The following DNAJC17 variants were observed in gnomAD, a reference collection of about 807,000 sequenced individuals.
DNAJC17 encodes DnaJ heat shock protein family (Hsp40) member C17.
DNAJC17 carries 35 observed loss-of-function variants against 48.1 expected under a neutral mutation model. The observed-to-expected ratio is 0.73, with a 90% confidence interval of 0.56 to 0.96. DNAJC17 has a LOEUF of 0.96. Ranked by LOEUF, DNAJC17 falls within the 50% of genes least tolerant of loss-of-function variation. DNAJC17 has a pLI of 0.00. For missense variants in DNAJC17, 355 were observed against 377.1 expected, an observed-to-expected ratio of 0.94 and a Z score of 0.48; for synonymous variants, 117 against 142.7, an observed-to-expected ratio of 0.82 and a Z score of 1.28.
At chr15:40,793,899 A>G (rs186119721) in intron 1 of DNAJC17, among the ~76,000 whole-genome samples, 1 of 152,234 alleles carries the variant, frequency 6.6e-6, no homozygotes, top group East Asian at 1.9e-4. Flanking sequence ...GTCATGGGGC[A>G]AGTATCCAGG....
Position 40,765,960 on chromosome 15 carries a change from C to A in DNAJC17, c.*1980G>T. The A allele has an allele frequency of 4.7e-6, 5 of 1,071,972 alleles. No homozygotes were observed. Among genetic ancestry groups the A allele is most frequent in the South Asian group, 1.5e-5 (1 of 68,740 alleles). 66.4% of individuals were successfully genotyped at this position (1,071,972 alleles called of 1,614,324 possible). ...TCCCTCAGTATCCTCTCCCTGCCAGCCCCTAGACCTGCCTCTGCTCCCTTT... is the reference window on the plus strand; with the variant it reads ...TCCCTCAGTATCCTCTCCCTGCCAGACCCTAGACCTGCCTCTGCTCCCTTT... On this transcript the variant is annotated 3_prime_UTR_variant, in exon 11 of 11. Transcript: ENST00000220496.
intron 1 of DNAJC17, among the ~76,000 whole-genome samples, chr15:40,790,533 C>G (rs151283433): frequency 6.6e-6 from 1 of 152,104 alleles, no homozygotes; most frequent in African/African-American, 2.4e-5. Context: ...GAGCCAAGAT[C>G]GTGCCACTGC....
rs1166551106 is a variant in DNAJC17 at position 40,767,255 on chromosome 15, G to A, written c.*685C>T. 6.3e-6 allele frequency: 10 copies of A among 1,592,638 alleles called. No individual in the cohort carries two copies. Among genetic ancestry groups the A allele is most frequent in the Non-Finnish European group, 6.8e-6 (8 of 1,169,904 alleles). On this transcript the variant is annotated 3_prime_UTR_variant, in exon 11 of 11. Coordinates refer to ENST00000220496, the MANE Select transcript of DNAJC17 (RefSeq NM_018163.3). Reference sequence around the variant, plus strand: ...GAATACTACGTCGATGACCCTCCCCGCATAGTCCTGGACAAGCTGGAACGC... The same window carrying A: ...GAATACTACGTCGATGACCCTCCCCACATAGTCCTGGACAAGCTGGAACGC...
Position 40,767,050 on chromosome 15 carries a change from G to A in DNAJC17, c.*890C>T, listed in dbSNP as rs1233230452. ...TTGGGAAGAATAAATGAGATAGCTC[G>A]TGAAGTACCTAGAAGGGGAGGAGGC... On this transcript the variant is annotated 3_prime_UTR_variant, in exon 11 of 11. Coordinates refer to ENST00000220496, the MANE Select transcript of DNAJC17 (RefSeq NM_018163.3). The A allele has an allele frequency of 1.4e-5, 7 of 506,606 alleles. No individual in the cohort carries two copies. The highest frequency in any genetic ancestry group is 2.4e-5 in the Non-Finnish European group (7 of 296,428). The allele number at this position is 506,606 out of a possible 1,614,324, so 31.4% of individuals were successfully genotyped here.
chr15:40,805,194 G>A (rs34143869), intron 1 of DNAJC17, among the ~76,000 whole-genome samples: 44,346 of 151,154 alleles, frequency 0.29, 7,325 homozygotes, highest in South Asian at 0.45. Flanking sequence ...TGGCCAACAC[G>A]GTGAGACCCC....
intron 1 of DNAJC17, among the ~76,000 whole-genome samples, chr15:40,789,098 A>G (rs1381317730): frequency 5.9e-5 from 9 of 152,120 alleles, no homozygotes; most frequent in Admixed American, 5.9e-4. Flanking sequence ...TGGTGGTACC[A>G]AGATAATACC....
chr15:40,775,120 G>A lies in DNAJC17; in HGVS notation c.523-12C>T, dbSNP rs1366410312. The A allele has an allele frequency of 6.2e-7, 1 of 1,613,998 alleles. No individual in the cohort carries two copies. The highest frequency in any genetic ancestry group is 1.1e-5 in the South Asian group (1 of 91,086). On this transcript the variant is annotated splice_polypyrimidine_tract_variant and intron_variant, in intron 7 of 10. Coordinates refer to ENST00000220496, the MANE Select transcript of DNAJC17 (RefSeq NM_018163.3). ...CACTTCCATTTTAGCTGAAAAGAGA[G>A]CCTCATGAAACACTGATTCTTGGCT... is the stretch of plus-strand genomic sequence containing the variant.
chr15:40,775,303 C>T, intron 7 of DNAJC17, 195 bp from the exon 8 acceptor site: 2 of 709,208 alleles, frequency 2.8e-6, no homozygotes, highest in Admixed American at 2.6e-5. Flanking sequence ...AGGGACGCTT[C>T]CCGCCCAGAA....
chr15:40,801,948 T>G (rs376781551), intron 1 of DNAJC17, among the ~76,000 whole-genome samples: 192 of 152,110 alleles, frequency 1.3e-3, no homozygotes, highest in African/African-American at 4.5e-3. Context: ...GGGCCTGGGC[T>G]GGAGCAGTAG....
At chr15:40,786,041 C>T (rs1017517608) in intron 1 of DNAJC17, among the ~76,000 whole-genome samples, 5 of 152,200 alleles carry the variant, frequency 3.3e-5, no homozygotes, top group Non-Finnish European at 7.4e-5. Flanking sequence ...ACTAGATTCC[C>T]AGCTTTGTCC....
rs112369106 is a variant in DNAJC17, at chr15:40,780,812, C to CAAATA, written c.79-820_79-816dup. Among the ~76,000 whole-genome samples, 844 of 146,164 alleles carry CAAATA rather than the reference C, an allele frequency of 5.8e-3. 1 individual carries two copies. Among genetic ancestry groups the CAAATA allele is most frequent in the Non-Finnish European group, 9.9e-3 (663 of 66,958 alleles). The stretch of plus-strand genomic sequence containing the variant: ...CTGGCGACAGAGCAAGACTCTGTCT[C>CAAATA]AAATAAAATAAAATAAAATAAAATA... On this transcript the variant is annotated intron_variant, in intron 1 of 10. Transcript: ENST00000220496.
chr15:40,784,231 G>C (rs1436393860), intron 1 of DNAJC17, among the ~76,000 whole-genome samples: 1 of 151,996 alleles, frequency 6.6e-6, no homozygotes, highest in Non-Finnish European at 1.5e-5. Context: ...AAAAAAAGAA[G>C]GAGCAGTAAG....
chr15:40,793,825 C>T (rs971451537), intron 1 of DNAJC17, among the ~76,000 whole-genome samples: 1 of 152,018 alleles, frequency 6.6e-6, no homozygotes, highest in Non-Finnish European at 1.5e-5. Flanking sequence ...TCATCATCCT[C>T]GTTTTGCAGA....
intron 1 of DNAJC17, 128 bp downstream of exon 1, chr15:40,807,241 C>A (rs1283748165): frequency 1.3e-6 from 2 of 1,567,866 alleles, no homozygotes; most frequent in African/African-American, 1.4e-5. Context: ...GAGGGCATAG[C>A]GCCGACCCTC....
At chr15:40,783,948 T>C (rs1889572214) in intron 1 of DNAJC17, among the ~76,000 whole-genome samples, 1 of 152,106 alleles carries the variant, frequency 6.6e-6, no homozygotes, top group Admixed American at 6.6e-5. Flanking sequence ...AGGAGCAGGC[T>C]GGGTGTGGTG....
In DNAJC17 at chr15:40,765,922, G is replaced by T. The variant is rs1347478323; in HGVS notation, c.*2018C>A. On this transcript the variant is annotated 3_prime_UTR_variant, in exon 11 of 11. Coordinates refer to ENST00000220496, the MANE Select transcript of DNAJC17 (RefSeq NM_018163.3). ...AGAGAAGAGCCTTGGGAAACAACTTGTAAGTAGCAGCCTCCCTCAGTATCC... is the reference window on the plus strand; with the variant it reads ...AGAGAAGAGCCTTGGGAAACAACTTTTAAGTAGCAGCCTCCCTCAGTATCC... 3 of 1,513,368 alleles carry T rather than the reference G, an allele frequency of 2.0e-6. No homozygotes were observed. Among genetic ancestry groups the T allele is most frequent in the East Asian group, 4.7e-5 (2 of 42,418 alleles). The allele number at this position is 1,513,368 out of a possible 1,614,324, so 93.7% of individuals were successfully genotyped here. A position where few individuals can be genotyped will look rare whatever the true frequency, so the allele number is the denominator to read the frequency against.
chr15:40,775,489 T>G, intron 7 of DNAJC17, 64 bp downstream of exon 7: 1 of 1,560,574 alleles, frequency 6.4e-7, no homozygotes, highest in Non-Finnish European at 8.8e-7. Flanking sequence ...ACAGGAAGCA[T>G]CTATTCCTGC....
rs747778468 is a variant in DNAJC17 at position 40,767,190 on chromosome 15, G to GC, written c.*749dup. 3.4e-6 allele frequency: 5 copies of GC among 1,458,340 alleles called. No homozygotes were observed. The highest frequency in any genetic ancestry group is 3.6e-6 in the Non-Finnish European group (4 of 1,102,686). 90.3% of individuals were successfully genotyped at this position (1,458,340 alleles called of 1,614,324 possible). ...GCTTTGTACCAGGAGCTTGCTGTGT[G>GC]CCCCTCCTCACCCCCCCCATCCTGT... is the stretch of plus-strand genomic sequence containing the variant. On this transcript the variant is annotated 3_prime_UTR_variant, in exon 11 of 11. Transcript: ENST00000220496.
chr15:40,796,904 C>T (rs1029192454), intron 1 of DNAJC17, among the ~76,000 whole-genome samples: 1 of 152,122 alleles, frequency 6.6e-6, no homozygotes, highest in Admixed American at 6.6e-5. Context: ...GGACTACGGG[C>T]GTGCGCCACC....
Sources: allele counts gnomAD v4.1 joint callset (sites outside exome capture counted in the v4.1 genomes callset), GRCh38; gene constraint gnomAD v4.1.1; transcripts MANE v1.5; gene names NCBI Gene and HGNC (gene_info 2026-07-23, HGNC 2026-07-21).